SSR1: variants seen among roughly 807,000 people sequenced by gnomAD.
The protein encoded by SSR1 is signal sequence receptor subunit 1.
Under a neutral mutation model 36.1 loss-of-function variants are expected in SSR1, and 13 were observed. The ratio of observed to expected loss-of-function variants is 0.36; its 90% CI spans 0.23 to 0.57. The LOEUF (loss-of-function observed/expected upper bound fraction) is 0.57. SSR1 is among the 20% of genes least tolerant of loss of function. SSR1 has a pLI of 0.81. For missense variants in SSR1, 291 were observed against 338.5 expected, an observed-to-expected ratio of 0.86 and a Z score of 1.10; for synonymous variants, 113 against 118.9, an observed-to-expected ratio of 0.95 and a Z score of 0.32.
chr6:7,306,874 G>A (rs532881705), intron 2 of SSR1, among the ~76,000 whole-genome samples: 47 of 137,176 alleles, frequency 3.4e-4, no homozygotes, highest in South Asian at 1.8e-3. Context: ...GGAGATCCAC[G>A]CCACTGCACT....
At chr6:7,290,484 G>T (rs1757657882) in intron 7 of SSR1, among the ~76,000 whole-genome samples, 1 of 152,130 alleles carries the variant, frequency 6.6e-6, no homozygotes, top group African/African-American at 2.4e-5. Context: ...CTTCCATTTG[G>T]TAAGAGGTGT....
At chr6:7,299,826 A>G (rs1179531146) in intron 4 of SSR1, among the ~76,000 whole-genome samples, 1 of 152,200 alleles carries the variant, frequency 6.6e-6, no homozygotes, top group Non-Finnish European at 1.5e-5. Flanking sequence ...TTTCAAATGC[A>G]TTAGACTCAC....
In SSR1 at chr6:7,300,670, T is replaced by C. The variant is rs58269357; in HGVS notation, c.543+640A>G. On this transcript the variant is annotated intron_variant, in intron 4 of 7. Transcript: ENST00000244763. ...CTTTTATTCTTTTTTTGAGATGGAGTCTCACTCTGTGGCCCAGGCTGGAGT... is the reference window on the plus strand; with the variant it reads ...CTTTTATTCTTTTTTTGAGATGGAGCCTCACTCTGTGGCCCAGGCTGGAGT... Among the ~76,000 whole-genome samples, 619 of 152,122 alleles carry C rather than the reference T, an allele frequency of 4.1e-3. 7 individuals carry two copies. The highest frequency in any genetic ancestry group is 0.014 in the African/African-American group (582 of 41,462).
At position 7,284,894 on chromosome 6, in the gene SSR1, G is replaced by T. The variant is rs898034830; in HGVS notation, c.*4970C>A. The T allele has an allele frequency of 3.3e-5, 5 of 152,148 alleles. No individual in the cohort carries two copies. Among genetic ancestry groups the T allele is most frequent in the Admixed American group, 6.5e-5 (1 of 15,278 alleles). The allele number at this position is 152,148 out of a possible 1,614,324, so 9.4% of individuals were successfully genotyped here. On this transcript the variant is annotated 3_prime_UTR_variant, in exon 8 of 8. Transcript: ENST00000244763. ...GAGACTCCAAGGATGAACTGCCTTT[G>T]CTTAGTGGCCAGGGCACTGTCAAGA... is the stretch of plus-strand genomic sequence containing the variant.
At chr6:7,298,931 A>G in intron 4 of SSR1, 108 bp from the exon 5 acceptor site, 1 of 823,978 alleles carries the variant, frequency 1.2e-6, no homozygotes, top group Non-Finnish European at 1.9e-6. Flanking sequence ...TAGCCTTCCC[A>G]TCACTTAGAA....
At chr6:7,302,024 C>T (rs1196413896) in intron 3 of SSR1, among the ~76,000 whole-genome samples, 1 of 152,142 alleles carries the variant, frequency 6.6e-6, no homozygotes, top group African/African-American at 2.4e-5. Context: ...ATTAATCAGG[C>T]AATCCCAATC....
chr6:7,297,694 T>C (rs1581630909), intron 6 of SSR1, among the ~76,000 whole-genome samples: 2 of 152,016 alleles, frequency 1.3e-5, no homozygotes, highest in Non-Finnish European at 2.9e-5. Context: ...CACTGCACAC[T>C]CCAGCCTTGG....
Position 7,285,281 on chromosome 6 carries a change from T to TG in SSR1, c.*4582_*4583insC, listed in dbSNP as rs1253942207. ...CATCTTTGACTGCAATTTGGAGACT[T>TG]TAAACAAGGATTATCCTTTCTACAG... On this transcript the variant is annotated 3_prime_UTR_variant, in exon 8 of 8. Transcript: ENST00000244763. This position sits in a 1 kb window ranked among gnomAD's most constrained non-coding sequence, Gnocchi z 4.1. 1 of 152,134 alleles carries TG rather than the reference T, an allele frequency of 6.6e-6. No homozygotes were observed. Among genetic ancestry groups the TG allele is most frequent in the East Asian group, 1.9e-4 (1 of 5,202 alleles). The allele number at this position is 152,134 out of a possible 1,614,324, so 9.4% of individuals were successfully genotyped here.
At chr6:7,291,764 G>A (rs1757685949) in intron 7 of SSR1, among the ~76,000 whole-genome samples, 1 of 152,192 alleles carries the variant, frequency 6.6e-6, no homozygotes, top group Non-Finnish European at 1.5e-5. Flanking sequence ...CCATCTGTGT[G>A]AGCATCACTG....
At position 7,287,621 on chromosome 6, in the gene SSR1, T is replaced by G. The variant is rs1757584291; in HGVS notation, c.*2243A>C. ...TATTCTCACACATCCGGGGATAGGTTTGATACACAAGATCCTTAAAGTCAT... is the reference window on the plus strand; with the variant it reads ...TATTCTCACACATCCGGGGATAGGTGTGATACACAAGATCCTTAAAGTCAT... On this transcript the variant is annotated 3_prime_UTR_variant, in exon 8 of 8. Coordinates refer to ENST00000244763, the MANE Select transcript of SSR1 (RefSeq NM_003144.5). 1 of 152,422 alleles carries G rather than the reference T, an allele frequency of 6.6e-6. No homozygotes were observed. The highest frequency in any genetic ancestry group is 1.5e-5 in the Non-Finnish European group (1 of 68,048). The allele number at this position is 152,422 out of a possible 1,614,324, so 9.4% of individuals were successfully genotyped here.
intron 7 of SSR1, among the ~76,000 whole-genome samples, chr6:7,291,032 A>G (rs62387310): frequency 0.038 from 5,819 of 152,188 alleles, 164 homozygotes; most frequent in Non-Finnish European, 0.058. Context: ...TTACAGGCAC[A>G]CACTATCACA....
intron 1 of SSR1, among the ~76,000 whole-genome samples, chr6:7,310,681 A>C (rs9392875): frequency 0.3 from 46,227 of 152,000 alleles, 7,800 homozygotes; most frequent in African/African-American, 0.46. Context: ...AAGGCTGAGG[A>C]GGGTGAATTA....
intron 5 of SSR1, 46 bp downstream of exon 5, chr6:7,298,701 A>G (rs2113284724): frequency 1.4e-6 from 2 of 1,431,076 alleles, no homozygotes; most frequent in South Asian, 1.1e-5. Flanking sequence ...TTCCAGTCTT[A>G]CTTTACGAGC....
Position 7,313,091 on chromosome 6 carries a change from A to C in SSR1, c.30T>G (p.Leu10=), listed in dbSNP as rs572057197. The C allele has an allele frequency of 6.2e-7, 1 of 1,608,032 alleles. No homozygotes were observed. Among genetic ancestry groups the C allele is most frequent in the East Asian group, 2.3e-5 (1 of 44,216 alleles). The change falls in exon 1 of 8, where the codon CTT becomes CTG. Residue 10 remains leucine (L), a synonymous_variant. Transcript: ENST00000244763. ...CAGTGGCAGGGAACACGAGTAAGAG[A>C]AGCAGCAGCAAGCGGGGGAGGAGTC... is the stretch of plus-strand genomic sequence containing the variant. MRLLPRLLL[L]LLLVFPATVL...
rs1368394928 is a variant in SSR1 at position 7,303,637 on chromosome 6, C to T, written c.193G>A (p.Val65Ile). The change falls in exon 3 of 8, where the codon GTA becomes ATA. Residue 65 changes from valine to isoleucine, a missense_variant and splice_region_variant. Physicochemically the swap from Val to Ile is conservative, Grantham distance 29 (BLOSUM62 3). Coordinates refer to ENST00000244763, the MANE Select transcript of SSR1 (RefSeq NM_003144.5). ...EVEEDEPTDL[V>I]EDKEEEDVSG... is the part of the protein sequence containing the mutation. ...ACATCTTCTTCCTCTTTATCTTCTACCTAAGAAAAAGAACAATTAAGAGGA... is the reference window on the plus strand; with the variant it reads ...ACATCTTCTTCCTCTTTATCTTCTATCTAAGAAAAAGAACAATTAAGAGGA... 1.9e-6 allele frequency: 3 copies of T among 1,603,982 alleles called. No homozygotes were observed. Among genetic ancestry groups the T allele is most frequent in the East Asian group, 2.2e-5 (1 of 44,786 alleles).
rs1369605262 is a variant in SSR1 at position 7,281,305 on chromosome 6, A to C, written c.*8559T>G. On this transcript the variant is annotated 3_prime_UTR_variant, in exon 8 of 8. Coordinates refer to ENST00000244763, the MANE Select transcript of SSR1 (RefSeq NM_003144.5). The stretch of plus-strand genomic sequence containing the variant: ...TACCACACTTACAAACTGATACCCA[A>C]ATAACAGAAATGTTTCTCAAAGCTG... 2.0e-5 allele frequency: 3 copies of C among 151,658 alleles called. No individual in the cohort carries two copies. The East Asian group carries it at 6.0e-4, about 30-fold the overall frequency. 9.4% of individuals were successfully genotyped at this position (151,658 alleles called of 1,614,324 possible).
chr6:7,295,697 A>G (rs1027500046), intron 6 of SSR1, among the ~76,000 whole-genome samples: 4 of 152,200 alleles, frequency 2.6e-5, no homozygotes, highest in Admixed American at 2.0e-4. Flanking sequence ...AACACCTATC[A>G]AATTACTTAA....
intron 7 of SSR1, 150 bp from the exon 8 acceptor site, chr6:7,290,081 T>C: frequency 1.8e-6 from 1 of 566,710 alleles, no homozygotes; most frequent in Non-Finnish European, 2.9e-6. Flanking sequence ...CCTATCTAGC[T>C]CTAGGTTTTA....
intron 7 of SSR1, 142 bp from the exon 8 acceptor site, chr6:7,290,073 T>C (rs1429298253): frequency 3.5e-6 from 2 of 575,530 alleles, no homozygotes; most frequent in Non-Finnish European, 5.8e-6. Flanking sequence ...GAATGCCTCC[T>C]ATCTAGCTCT....
Sources: allele counts gnomAD v4.1 joint callset (sites outside exome capture counted in the v4.1 genomes callset), GRCh38; gene constraint gnomAD v4.1.1; non-coding constraint Gnocchi (gnomAD v3.1); transcripts MANE v1.5; gene names NCBI Gene and HGNC (gene_info 2026-07-23, HGNC 2026-07-21).